Variants in GRIK4 observed in about 807,000 individuals in gnomAD.
GRIK4 encodes the protein glutamate receptor ionotropic, kainate 4.
In GRIK4, 40 loss-of-function variants were observed where a neutral mutation model predicts 104.9. The ratio of observed to expected loss-of-function variants is 0.38; its 90% confidence interval spans 0.30 to 0.50. GRIK4 has a LOEUF of 0.50. Ranked by LOEUF, GRIK4 falls within the 20% of genes least tolerant of loss-of-function variation. The probability of loss-of-function intolerance (pLI) is 0.93; values close to 1 mark genes in which losing one functional copy is unlikely to be tolerated. For missense variants in GRIK4, 1,047 were observed against 1,308.1 expected (o/e 0.80, Z 3.08); for synonymous variants, 485 against 524.9 (o/e 0.92, Z 1.04).
At chr11:120,632,677 A>G (rs1465296056) in intron 1 of GRIK4, among the ~76,000 whole-genome samples, 1 of 152,104 alleles carries the variant, frequency 6.6e-6, no homozygotes, top group East Asian at 1.9e-4. Context: ...ACCACCCAGC[A>G]TGTCCTGGGA....
At chr11:120,971,515 C>G (rs991122535) in intron 19 of GRIK4, among the ~76,000 whole-genome samples, 1 of 152,192 alleles carries the variant, frequency 6.6e-6, no homozygotes, top group South Asian at 2.1e-4. Context: ...TCATGTAGTT[C>G]TTATTGCTGC....
intron 9 of GRIK4, 56 bp from the exon 10 acceptor site, chr11:120,874,010 T>A: frequency 2.0e-6 from 3 of 1,484,870 alleles, no homozygotes; most frequent in Non-Finnish European, 1.8e-6. Flanking sequence ...CTCCCCTCCC[T>A]TTCTTCCTCT....
chr11:120,541,310 G>A (rs1017299868), intron 1 of GRIK4, among the ~76,000 whole-genome samples: 5 of 152,290 alleles, frequency 3.3e-5, no homozygotes, highest in South Asian at 4.1e-4. Context: ...CACTTATCAC[G>A]GTGTGTTGAA....
rs1454679932 is a variant in GRIK4, at chr11:120,875,134, G to T, written c.1060-5G>T. On this transcript the variant is annotated splice_polypyrimidine_tract_variant and splice_region_variant and intron_variant, in intron 10 of 20. Coordinates refer to ENST00000527524, the MANE Select transcript of GRIK4 (RefSeq NM_014619.5). ...TGGTGCTGTAACTCACTCTCTCTTGGACAGGTAGAATTGGAAGGTCTTACC... is the reference window on the plus strand; with the variant it reads ...TGGTGCTGTAACTCACTCTCTCTTGTACAGGTAGAATTGGAAGGTCTTACC... 6 of 1,582,040 alleles carry T rather than the reference G, an allele frequency of 3.8e-6. No individual in the cohort carries two copies. In the African/African-American group the frequency reaches 5.4e-5, roughly 14 times the overall value.
At chr11:120,913,299 A>G (rs918890461) in intron 13 of GRIK4, among the ~76,000 whole-genome samples, 12 of 151,936 alleles carry the variant, frequency 7.9e-5, no homozygotes, top group African/African-American at 2.9e-4. Flanking sequence ...CAGACAGAGG[A>G]TGTGGAGGGT....
chr11:120,516,583 G>T (rs919174639), intron 1 of GRIK4, among the ~76,000 whole-genome samples: 1 of 152,030 alleles, frequency 6.6e-6, no homozygotes, highest in Non-Finnish European at 1.5e-5. Flanking sequence ...CGGGGGAGCC[G>T]GTGAAGATTC....
Position 120,967,177 on chromosome 11 carries a change from C to T in GRIK4, c.2267-18C>T. ...GCATTCACAACCTGTGTCCTGGGCT[C>T]TCCCGTAACCCCCGCAGGCTCGGTT... On this transcript the variant is annotated intron_variant, in intron 18 of 20. Transcript: ENST00000527524. This position sits in a 1 kb window ranked among gnomAD's most constrained non-coding sequence, Gnocchi z 4.2. 6.2e-7 allele frequency: 1 copy of T among 1,607,524 alleles called. No individual in the cohort carries two copies. Among genetic ancestry groups the T allele is most frequent in the Non-Finnish European group, 8.5e-7 (1 of 1,176,740 alleles).
intron 9 of GRIK4, chr11:120,862,422 G>C: frequency 3.5e-6 from 1 of 285,974 alleles, no homozygotes; most frequent in Non-Finnish European, 6.5e-6. Context: ...CTGAGTTTAG[G>C]ATCCAAGAAT....
intron 13 of GRIK4, among the ~76,000 whole-genome samples, chr11:120,906,249 CTGAGTTTTAATGATCAGGA>C (rs1942864565): frequency 6.6e-6 from 1 of 152,184 alleles, no homozygotes; most frequent in Non-Finnish European, 1.5e-5. Flanking sequence ...ATTTCCATAA[CTGAGTTTTAATGATCAGGA>C]TAGGTGATGA....
chr11:120,516,165 CCT>C (rs1947721512), intron 1 of GRIK4, among the ~76,000 whole-genome samples: 1 of 152,162 alleles, frequency 6.6e-6, no homozygotes, highest in Non-Finnish European at 1.5e-5. Flanking sequence ...TGTGGAGTCC[CCT>C]GTTTGGGGGG....
chr11:120,631,348 C>T (rs78333415), intron 1 of GRIK4, among the ~76,000 whole-genome samples: 2,401 of 152,260 alleles, frequency 0.016, 63 homozygotes, highest in African/African-American at 0.055. Context: ...ACCTGAGTTT[C>T]GGCGTTTCTC....
At chr11:120,851,558 A>G (rs1397166642) in intron 8 of GRIK4, among the ~76,000 whole-genome samples, 2 of 152,200 alleles carry the variant, frequency 1.3e-5, no homozygotes, top group Non-Finnish European at 2.9e-5. Context: ...GAGTGTGCTT[A>G]TCATTCTATT....
intron 1 of GRIK4, among the ~76,000 whole-genome samples, chr11:120,610,615 G>C (rs1185398386): frequency 6.6e-6 from 1 of 152,182 alleles, no homozygotes; most frequent in African/African-American, 2.4e-5. Context: ...GATGGTAGGG[G>C]ACACTGTCAT....
intron 16 of GRIK4, among the ~76,000 whole-genome samples, chr11:120,959,812 G>A (rs1422893348): frequency 1.3e-5 from 2 of 152,228 alleles, no homozygotes; most frequent in Non-Finnish European, 2.9e-5. Flanking sequence ...AGTGCTTTTC[G>A]CCAGGTAGTC....
rs75193636 is a variant in GRIK4, at chr11:120,628,448, C to A, written c.-158-25237C>A. On this transcript the variant is annotated intron_variant, in intron 1 of 20. Transcript: ENST00000527524. ...GACCTGCTTATTTGTGTTCCCTGGG[C>A]CTCCCTGACCACCAGACACCCATCT... Among the ~76,000 whole-genome samples, 3,477 of 152,280 alleles carry A rather than the reference C, an allele frequency of 0.023. 296 individuals carry two copies. In the East Asian group the frequency reaches 0.23, roughly 10 times the overall value.
Position 120,967,049 on chromosome 11 carries a change from G to C in GRIK4, c.2267-146G>C. 3.6e-6 allele frequency: 3 copies of C among 834,968 alleles called. No homozygotes were observed. Among genetic ancestry groups the C allele is most frequent in the Middle Eastern group, 2.7e-4 (1 of 3,688 alleles). The allele number at this position is 834,968 out of a possible 1,614,324, so 51.7% of individuals were successfully genotyped here. ...TGGAGTAGACAGCACTGGCCCCATG[G>C]GCTCGCCCCACCCGCTGCATCTGTC... On this transcript the variant is annotated intron_variant, in intron 18 of 20. Coordinates refer to ENST00000527524, the MANE Select transcript of GRIK4 (RefSeq NM_014619.5). This position sits in a 1 kb window ranked among gnomAD's most constrained non-coding sequence, Gnocchi z 4.2.
At chr11:120,620,015 T>TCCCCG in intron 1 of GRIK4, 4 of 520,908 alleles carry the variant, frequency 7.7e-6, no homozygotes, top group South Asian at 3.1e-5. Context: ...GGTGGAGCTG[T>TCCCCG]TAGCGTAGTG....
intron 8 of GRIK4, among the ~76,000 whole-genome samples, chr11:120,839,324 G>A (rs1029958773): frequency 1.3e-5 from 2 of 152,182 alleles, no homozygotes; most frequent in African/African-American, 4.8e-5. Context: ...AACGGGAAAG[G>A]CATGGATGGA....
chr11:120,771,762 C>G (rs750785464), intron 3 of GRIK4, among the ~76,000 whole-genome samples: 39 of 152,140 alleles, frequency 2.6e-4, no homozygotes, highest in Admixed American at 2.0e-3. Context: ...CTATAGCTGC[C>G]CCAGGTGTGG....
Sources: gnomAD v4.1 joint callset for allele counts (sites outside exome capture counted in the v4.1 genomes callset) on GRCh38, gnomAD v4.1.1 for gene constraint, Gnocchi (gnomAD v3.1) non-coding constraint, MANE v1.5 for transcripts, NCBI Gene and HGNC (gene_info 2026-07-23, HGNC 2026-07-21) for gene names.